The following MTF2 variants were observed in gnomAD, a reference collection of about 807,000 sequenced individuals.
MTF2 encodes the protein metal-response element-binding transcription factor 2.
Under a neutral mutation model 79.5 loss-of-function variants are expected in MTF2, and 11 were observed. That is an observed-to-expected ratio of 0.14 (90% CI 0.09 to 0.23). MTF2 has a LOEUF of 0.23. MTF2 is among the 10% of genes least tolerant of loss of function. MTF2 has a pLI of 1.00. For missense variants in MTF2, 486 were observed against 711.2 expected, an observed-to-expected ratio of 0.68 and a Z score of 3.60; for synonymous variants, 208 against 232.8, an observed-to-expected ratio of 0.89 and a Z score of 0.97.
chr1:93,091,179 A>G (rs1337537919), intron 1 of MTF2, among the ~76,000 whole-genome samples: 1 of 152,190 alleles, frequency 6.6e-6, no homozygotes, highest in Admixed American at 6.6e-5. Context: ...GTTATATTCA[A>G]TAAACAGTTT....
chr1:93,091,015 T>A (rs1383130304), intron 1 of MTF2, among the ~76,000 whole-genome samples: 1 of 150,746 alleles, frequency 6.6e-6, no homozygotes, highest in Non-Finnish European at 1.5e-5. Flanking sequence ...GTAGCTTGTA[T>A]GAATGTTCAA....
chr1:93,102,478 G>C (rs1655587328), intron 1 of MTF2, among the ~76,000 whole-genome samples: 1 of 152,134 alleles, frequency 6.6e-6, no homozygotes, highest in Non-Finnish European at 1.5e-5. Flanking sequence ...TGTAGTCCCA[G>C]CTGCTTGGGA....
chr1:93,117,020 A>G (rs1163824486), intron 6 of MTF2, among the ~76,000 whole-genome samples: 1 of 152,180 alleles, frequency 6.6e-6, no homozygotes, highest in Non-Finnish European at 1.5e-5. Flanking sequence ...TGAAAGATAC[A>G]ATATTAATAA....
At chr1:93,083,748 A>G (rs554449789) in intron 1 of MTF2, among the ~76,000 whole-genome samples, 3 of 152,294 alleles carry the variant, frequency 2.0e-5, no homozygotes, top group Non-Finnish European at 2.9e-5. Flanking sequence ...ATTATTGTCT[A>G]TCTTTTGATT....
chr1:93,110,305 C>T lies in MTF2; in HGVS notation c.81C>T (p.Ser27=). Residue 27 remains serine (S), a synonymous_variant, in exon 2 of 15, where the codon TCC becomes TCT. Coordinates refer to ENST00000370298, the MANE Select transcript of MTF2 (RefSeq NM_007358.4). The stretch of plus-strand genomic sequence containing the variant: ...GTCGAAACCAAAAGACCCCAACATC[C>T]TTGACCAAGCTGTCTTTACAGGATG... The part of the protein sequence containing the change: ...PLRRNQKTPT[S]LTKLSLQDGH... 1 of 1,614,148 alleles carries T rather than the reference C, an allele frequency of 6.2e-7. No homozygotes were observed. Among genetic ancestry groups the T allele is most frequent in the East Asian group, 2.2e-5 (1 of 44,876 alleles).
chr1:93,080,891 T>G (rs1408903303), intron 1 of MTF2: 1 of 152,160 alleles, frequency 6.6e-6, no homozygotes, highest in African/African-American at 2.4e-5. Context: ...GGGAGTTGTT[T>G]TGACTGATGG....
At chr1:93,096,423 C>T (rs77023480) in intron 1 of MTF2, among the ~76,000 whole-genome samples, 8,406 of 152,186 alleles carry the variant, frequency 0.055, 298 homozygotes, top group Non-Finnish European at 0.086. Context: ...TAATAGCCAG[C>T]TGCTTCCTAG....
At chr1:93,125,303 T>G (rs1002930049) in intron 9 of MTF2, among the ~76,000 whole-genome samples, 1 of 81,482 alleles carries the variant, frequency 1.2e-5, no homozygotes, top group African/African-American at 2.8e-5. Flanking sequence ...TTTGTCAGTG[T>G]TTTTTTTTTT....
chr1:93,107,501 C>A (rs924607456), intron 1 of MTF2, among the ~76,000 whole-genome samples: 2 of 152,184 alleles, frequency 1.3e-5, no homozygotes, highest in Non-Finnish European at 2.9e-5. Flanking sequence ...GCTGGAATTA[C>A]AGGCATGAGC....
In MTF2 at chr1:93,087,193, T is replaced by G. The variant is rs181515026; in HGVS notation, c.5+7662T>G. On this transcript the variant is annotated intron_variant, in intron 1 of 14. Coordinates refer to ENST00000370298, the MANE Select transcript of MTF2 (RefSeq NM_007358.4). The stretch of plus-strand genomic sequence containing the variant: ...TAGGGATGCTCAACTTGTATTAGTA[T>G]CTGAGGACACTTAACAACCAAGTTG... Among the ~76,000 whole-genome samples, 8 of 152,302 alleles carry G rather than the reference T, an allele frequency of 5.3e-5. No individual in the cohort carries two copies. In the East Asian group the frequency reaches 1.5e-3, roughly 29 times the overall value.
At chr1:93,091,918 T>G (rs1655089564) in intron 1 of MTF2, among the ~76,000 whole-genome samples, 1 of 152,158 alleles carries the variant, frequency 6.6e-6, no homozygotes, top group African/African-American at 2.4e-5. Flanking sequence ...ATAAAGTATT[T>G]CTTAACATAT....
At chr1:93,105,293 A>G (rs1442260819) in intron 1 of MTF2, among the ~76,000 whole-genome samples, 1 of 152,168 alleles carries the variant, frequency 6.6e-6, no homozygotes, top group Non-Finnish European at 1.5e-5. Flanking sequence ...TTGCTTGCAA[A>G]TGGGAGGAAA....
At chr1:93,088,729 C>G (rs1468383015) in intron 1 of MTF2, among the ~76,000 whole-genome samples, 3 of 152,172 alleles carry the variant, frequency 2.0e-5, no homozygotes, top group East Asian at 3.9e-4. Flanking sequence ...ACGTGCCTGG[C>G]TAATTTTTGT....
chr1:93,129,708 C>A (rs561134937), intron 11 of MTF2, among the ~76,000 whole-genome samples: 82 of 151,964 alleles, frequency 5.4e-4, no homozygotes, highest in Non-Finnish European at 1.1e-3. Flanking sequence ...AGAGTACTAG[C>A]CTGTTTGTTT....
chr1:93,117,266 G>A, intron 6 of MTF2, among the ~76,000 whole-genome samples: 1 of 152,168 alleles, frequency 6.6e-6, no homozygotes, highest in Non-Finnish European at 1.5e-5. Context: ...AGCTGGGTGT[G>A]GTGGTGTGTA....
At chr1:93,111,875 T>C (rs1395838486) in intron 3 of MTF2, among the ~76,000 whole-genome samples, 1 of 152,176 alleles carries the variant, frequency 6.6e-6, no homozygotes, top group African/African-American at 2.4e-5. Flanking sequence ...AAACATGTTA[T>C]GCTGCTTTTT....
At chr1:93,129,119 TG>T in intron 10 of MTF2, 158 bp from the exon 11 acceptor site, 1 of 456,286 alleles carries the variant, frequency 2.2e-6, no homozygotes, top group Non-Finnish European at 3.9e-6. Context: ...AGACTGGCTC[TG>T]GGGCAGATAA....
At chr1:93,079,570 A>G (rs778414221) in intron 1 of MTF2, 39 bp downstream of exon 1, 2 of 1,601,844 alleles carry the variant, frequency 1.2e-6, no homozygotes, top group South Asian at 2.2e-5. Flanking sequence ...CTTCCGGAGG[A>G]GATGGGGGTT....
chr1:93,079,928 A>G (rs949555452), intron 1 of MTF2, among the ~76,000 whole-genome samples: 13 of 151,738 alleles, frequency 8.6e-5, no homozygotes, highest in African/African-American at 3.1e-4. Flanking sequence ...GGCTGAGGGA[A>G]ATGTGGGGAG....
Sources: gnomAD v4.1 joint callset for allele counts (sites outside exome capture counted in the v4.1 genomes callset) on GRCh38, gnomAD v4.1.1 for gene constraint, MANE v1.5 for transcripts, NCBI Gene and HGNC (gene_info 2026-07-23, HGNC 2026-07-21) for gene names.